The following CNDP1 variants were observed in gnomAD, a reference collection of about 807,000 sequenced individuals.
CNDP1 encodes the protein beta-Ala-His dipeptidase.
A neutral mutation model predicts 58.1 loss-of-function variants in CNDP1; 44 were observed. The observed-to-expected ratio is 0.76, with a 90% CI of 0.60 to 0.97. The LOEUF (loss-of-function observed/expected upper bound fraction) is 0.97. Among genes scored for constraint, CNDP1 ranks in the 50% least tolerant of loss-of-function variants. The probability of loss-of-function intolerance (pLI) is 0.00; values close to 1 mark genes in which losing one functional copy is unlikely to be tolerated. For missense variants in CNDP1, 616 were observed against 655.1 expected, an observed-to-expected ratio of 0.94 and a Z score of 0.65; for synonymous variants, 254 against 252.6, an observed-to-expected ratio of 1.01 and a Z score of -0.05.
intron 6 of CNDP1, 62 bp downstream of exon 6, chr18:74,567,495 C>A: frequency 7.3e-7 from 1 of 1,367,512 alleles, no homozygotes. Flanking sequence ...GAGCACCAAT[C>A]CATTCTGGGA....
intron 6 of CNDP1, among the ~76,000 whole-genome samples, chr18:74,569,220 C>A (rs1197558011): frequency 6.6e-6 from 1 of 152,106 alleles, no homozygotes; most frequent in Non-Finnish European, 1.5e-5. Context: ...AACGGAAAGT[C>A]TTAATGCTAA....
rs1026957456 is a variant in CNDP1 at position 74,586,022 on chromosome 18, A to T, written c.*1460A>T. The T allele has an allele frequency of 6.8e-6, 1 of 147,992 alleles. No homozygotes were observed. The allele number at this position is 147,992 out of a possible 1,614,324, so 9.2% of individuals were successfully genotyped here. On this transcript the variant is annotated 3_prime_UTR_variant, in exon 12 of 12. Transcript: ENST00000358821. ...AAAAAAAAAAAAAAAAAAAAAAAGC[A>T]GAACACATTTGCGTTCAACTTTTTT...
At chr18:74,544,358 C>T (rs1462496585) in intron 1 of CNDP1, among the ~76,000 whole-genome samples, 4 of 152,166 alleles carry the variant, frequency 2.6e-5, no homozygotes, top group Admixed American at 2.6e-4. Flanking sequence ...TCCTGGCCCC[C>T]ATGGAGCTTA....
chr18:74,570,243 A>T (rs199830019), intron 6 of CNDP1, among the ~76,000 whole-genome samples: 19 of 16,940 alleles, frequency 1.1e-3, no homozygotes, highest in African/African-American at 5.5e-3. Flanking sequence ...ATAAATAATT[A>T]AAAAAAAAGA....
chr18:74,568,570 G>A (rs4892241), intron 6 of CNDP1, among the ~76,000 whole-genome samples: 145,882 of 152,108 alleles, frequency 0.96, 70,235 homozygotes, highest in East Asian at 1. Context: ...TTTTGAGAAC[G>A]AAGGCACTGA....
chr18:74,561,345 G>A (rs544610829), intron 4 of CNDP1: 19 of 206,868 alleles, frequency 9.2e-5, no homozygotes, highest in Middle Eastern at 2.0e-3. Context: ...CCTGGGAGGC[G>A]GAGGTTGCAG....
chr18:74,549,995 G>A (rs980010328), intron 1 of CNDP1, among the ~76,000 whole-genome samples: 3 of 152,250 alleles, frequency 2.0e-5, no homozygotes, highest in Non-Finnish European at 4.4e-5. Flanking sequence ...TTCAGAGAAT[G>A]TATGAGAAAG....
At chr18:74,551,135 A>G (rs1266627472) in intron 1 of CNDP1, among the ~76,000 whole-genome samples, 1 of 152,114 alleles carries the variant, frequency 6.6e-6, no homozygotes, top group East Asian at 1.9e-4. Context: ...TGCTCTGGCC[A>G]CATGACCTGC....
In CNDP1 at chr18:74,545,226, T is replaced by C. The variant is rs1398723692; in HGVS notation, c.24+10535T>C. On this transcript the variant is annotated intron_variant, in intron 1 of 11. Transcript: ENST00000358821. This position sits in a 1 kb window ranked among gnomAD's most constrained non-coding sequence, Gnocchi z 4.1. ...GGAGACCGATGGGAAAGCCCCGCCC[T>C]CTCCTCGAATCTGCCTTGTTCTCGA... is the stretch of plus-strand genomic sequence containing the variant. Among the ~76,000 whole-genome samples the C allele has an allele frequency of 1.3e-5, 2 of 152,220 alleles. No individual in the cohort carries two copies. The highest frequency in any genetic ancestry group is 2.9e-5 in the Non-Finnish European group (2 of 68,046).
intron 6 of CNDP1, 37 bp downstream of exon 6, chr18:74,567,470 G>A (rs1981360955): frequency 1.3e-6 from 2 of 1,557,962 alleles, no homozygotes; most frequent in African/African-American, 2.7e-5. Context: ...GGAGGCCTGT[G>A]GGGGTTGTGA....
chr18:74,568,259 C>G (rs1981381012), intron 6 of CNDP1, among the ~76,000 whole-genome samples: 1 of 152,150 alleles, frequency 6.6e-6, no homozygotes, highest in African/African-American at 2.4e-5. Flanking sequence ...ACACACATGG[C>G]TATGCGTGTG....
In CNDP1 at chr18:74,537,898, T is replaced by G. The variant is rs554711126; in HGVS notation, c.24+3207T>G. ...ACCATAGAGTAGAACTTCTAGCTGC[T>G]GAAGACAAAAGACAAAGTACAATTT... On this transcript the variant is annotated intron_variant, in intron 1 of 11. Transcript: ENST00000358821. Among the ~76,000 whole-genome samples, 3 of 152,344 alleles carry G rather than the reference T, an allele frequency of 2.0e-5. No individual in the cohort carries two copies. In the East Asian group the frequency reaches 5.8e-4, roughly 29 times the overall value.
rs755682903 is a variant in CNDP1, at chr18:74,556,414, T to C, written c.101T>C (p.Leu34Pro). ...TCCTCACCCTCCCCGCCCCCGGCGC[T>C]GTTAGAGAAAGTCTTCCAGTACATT... is the stretch of plus-strand genomic sequence containing the variant. ...MFSSPSPPPA[L>P]LEKVFQYIDL... The change falls in exon 2 of 12, where the codon CTG becomes CCG. Residue 34 changes from leucine to proline, a missense_variant. Coordinates refer to ENST00000358821, the MANE Select transcript of CNDP1 (RefSeq NM_032649.6). 5.0e-6 allele frequency: 8 copies of C among 1,614,102 alleles called. No homozygotes were observed. The South Asian group carries it at 5.5e-5, about 11-fold the overall frequency.
At chr18:74,583,733 C>A (rs1213509268) in intron 11 of CNDP1, 25 bp downstream of exon 11, 1 of 1,612,200 alleles carries the variant, frequency 6.2e-7, no homozygotes, top group Non-Finnish European at 8.5e-7. Flanking sequence ...GTGCAATGTG[C>A]CTCTCTCTTC....
Position 74,586,431 on chromosome 18 carries a change from A to G in CNDP1, c.*1869A>G, listed in dbSNP as rs140729735. 1.3e-5 allele frequency: 2 copies of G among 152,360 alleles called. No homozygotes were observed. Among genetic ancestry groups the G allele is most frequent in the East Asian group, 3.9e-4 (2 of 5,188 alleles). The allele number at this position is 152,360 out of a possible 1,614,324, so 9.4% of individuals were successfully genotyped here. On this transcript the variant is annotated 3_prime_UTR_variant, in exon 12 of 12. Coordinates refer to ENST00000358821, the MANE Select transcript of CNDP1 (RefSeq NM_032649.6). ...GCACTGTAGATAAGGACTAACAGTA[A>G]GAGAGATTTAGAGTCTTCATGTTAG...
At chr18:74,558,766 T>C (rs911765422) in intron 2 of CNDP1, among the ~76,000 whole-genome samples, 6 of 152,138 alleles carry the variant, frequency 3.9e-5, no homozygotes, top group African/African-American at 1.4e-4. Context: ...CAAAGTCACA[T>C]AGCTATGACA....
chr18:74,572,557 G>A (rs974342679), intron 7 of CNDP1, among the ~76,000 whole-genome samples: 6 of 152,082 alleles, frequency 3.9e-5, no homozygotes, highest in Admixed American at 3.9e-4. Flanking sequence ...GGAGGCCAAG[G>A]TGGGTGGATC....
chr18:74,556,417 T>C lies in CNDP1; in HGVS notation c.104T>C (p.Leu35Ser), dbSNP rs1264843541. The part of the protein sequence containing the change: ...FSSPSPPPAL[L>S]EKVFQYIDLH... Reference sequence around the variant, plus strand: ...TCACCCTCCCCGCCCCCGGCGCTGTTAGAGAAAGTCTTCCAGTACATTGAC... The same window carrying C: ...TCACCCTCCCCGCCCCCGGCGCTGTCAGAGAAAGTCTTCCAGTACATTGAC... The change falls in exon 2 of 12, where the codon TTA becomes TCA. Residue 35 changes from leucine (L) to serine (S), a missense_variant. Transcript: ENST00000358821. 1 of 1,614,214 alleles carries C rather than the reference T, an allele frequency of 6.2e-7. No individual in the cohort carries two copies. Among genetic ancestry groups the C allele is most frequent in the Non-Finnish European group, 8.5e-7 (1 of 1,180,020 alleles).
intron 1 of CNDP1, 69 bp downstream of exon 1, chr18:74,534,760 T>C: frequency 1.9e-6 from 3 of 1,589,378 alleles, no homozygotes; most frequent in Admixed American, 3.3e-5. Flanking sequence ...CGGGAGCATG[T>C]GCGTTAAGCC....
Sources: gnomAD v4.1 joint callset for allele counts (sites outside exome capture counted in the v4.1 genomes callset) on GRCh38, gnomAD v4.1.1 for gene constraint, Gnocchi (gnomAD v3.1) non-coding constraint, MANE v1.5 for transcripts, NCBI Gene and HGNC (gene_info 2026-07-23, HGNC 2026-07-21) for gene names.